The following PCDH17 variants were observed in gnomAD, a reference collection of about 807,000 sequenced individuals.
PCDH17 encodes protocadherin 17, also known as protocadherin-17.
PCDH17 carries 21 observed loss-of-function variants against 67.7 expected under a neutral mutation model. The observed-to-expected ratio is 0.31, with a 90% CI of 0.22 to 0.45. The LOEUF (loss-of-function observed/expected upper bound fraction) is 0.45, where lower values mean the gene tolerates loss of function less well. PCDH17 is among the 20% of genes least tolerant of loss of function. The pLI is 1.00. For missense variants in PCDH17, 1,471 were observed against 1,564.8 expected (o/e 0.94, Z 1.01); for synonymous variants, 701 against 656.7 (o/e 1.07, Z -1.03).
chr13:57,671,499 T>C (rs147186369), intron 3 of PCDH17, among the ~76,000 whole-genome samples: 26 of 152,092 alleles, frequency 1.7e-4, no homozygotes, highest in Admixed American at 1.1e-3. Context: ...TATTCACACT[T>C]TAGCTTCTTT....
In PCDH17 at chr13:57,634,653, G is replaced by A. The variant is rs1466552019; in HGVS notation, c.2107G>A (p.Asp703Asn). ...PRVNGEQHHW[D>N]MSLPLIVTLS... ...GGTGAATGGCGAGCAGCACCACTGG[G>A]ACATGTCGCTGCCGCTCATCGTGAC... The change falls in exon 1 of 4, where the codon GAC becomes AAC. Residue 703 changes from aspartate (D) to asparagine (N), a missense_variant. Physicochemically the swap from Asp to Asn is conservative, Grantham distance 23 (BLOSUM62 1). Coordinates refer to ENST00000377918, the MANE Select transcript of PCDH17 (RefSeq NM_001040429.3). This position sits in a 1 kb window ranked among gnomAD's most constrained non-coding sequence, Gnocchi z 7.8. 6.2e-7 allele frequency: 1 copy of A among 1,613,378 alleles called. No individual in the cohort carries two copies. Among genetic ancestry groups the A allele is most frequent in the Non-Finnish European group, 8.5e-7 (1 of 1,180,008 alleles).
chr13:57,696,106 T>C (rs1955606027), intron 3 of PCDH17, among the ~76,000 whole-genome samples: 1 of 151,404 alleles, frequency 6.6e-6, no homozygotes, highest in African/African-American at 2.4e-5. Context: ...TCTGTACATA[T>C]GATAACGTAA....
intron 3 of PCDH17, among the ~76,000 whole-genome samples, chr13:57,711,248 C>A (rs1955773213): frequency 6.6e-6 from 1 of 151,924 alleles, no homozygotes; most frequent in African/African-American, 2.4e-5. Context: ...TATGTGAATG[C>A]TCACTGGTGC....
intron 3 of PCDH17, among the ~76,000 whole-genome samples, chr13:57,723,705 T>C (rs1440290331): frequency 6.6e-6 from 1 of 152,170 alleles, no homozygotes; most frequent in African/African-American, 2.4e-5. Flanking sequence ...AGTTATGGTT[T>C]AAAATATTGG....
intron 3 of PCDH17, among the ~76,000 whole-genome samples, chr13:57,715,130 T>C (rs1354717264): frequency 6.6e-6 from 1 of 151,826 alleles, no homozygotes; most frequent in East Asian, 1.9e-4. Flanking sequence ...CTTTATATTT[T>C]CTATATAAAC....
At chr13:57,704,443 A>G (rs972338549) in intron 3 of PCDH17, among the ~76,000 whole-genome samples, 3 of 151,954 alleles carry the variant, frequency 2.0e-5, no homozygotes, top group African/African-American at 7.2e-5. Flanking sequence ...CATTTTTTAA[A>G]TCTAATTTTG....
chr13:57,676,505 A>G (rs1054681718), intron 3 of PCDH17, among the ~76,000 whole-genome samples: 1 of 151,922 alleles, frequency 6.6e-6, no homozygotes, highest in African/African-American at 2.4e-5. Context: ...CAGTTTGGCA[A>G]TCAGAGAGGT....
At position 57,637,302 on chromosome 13, in the gene PCDH17, T is replaced by C. The variant is rs184678378; in HGVS notation, c.2565+2191T>C. 4.6e-5 allele frequency among the ~76,000 whole-genome samples: 7 copies of C among 150,652 alleles called. No individual in the cohort carries two copies. In the Admixed American group the frequency reaches 4.9e-4, roughly 10 times the overall value. ...TATCCTCAACATGCATTGTTTAAAC[T>C]TTTTTTTAATTCAGTTTTTGTAATC... On this transcript the variant is annotated intron_variant, in intron 1 of 3. Transcript: ENST00000377918.
chr13:57,650,452 C>T, intron 1 of PCDH17, among the ~76,000 whole-genome samples: 1 of 152,046 alleles, frequency 6.6e-6, no homozygotes, highest in South Asian at 2.1e-4. Flanking sequence ...TACTCCTCTT[C>T]TGTTTGATTT....
At position 57,635,002 on chromosome 13, in the gene PCDH17, C is replaced by T. The variant is rs1954802539; in HGVS notation, c.2456C>T (p.Ala819Val). The T allele has an allele frequency of 1.2e-6, 2 of 1,613,614 alleles. No individual in the cohort carries two copies. The highest frequency in any genetic ancestry group is 2.2e-5 in the East Asian group (1 of 44,868). ...PRSEVMYLKP[A>V]SNNLTVPQGH... ...TCGGAGGTGATGTATCTCAAACCGG[C>T]CTCCAACAACCTGACTGTCCCTCAG... is the stretch of plus-strand genomic sequence containing the variant. The change falls in exon 1 of 4, where the codon GCC becomes GTC. Residue 819 changes from alanine to valine, a missense_variant. By Grantham distance (64) the Ala-to-Val change is moderately conservative. Transcript: ENST00000377918.
intron 3 of PCDH17, among the ~76,000 whole-genome samples, chr13:57,681,835 T>A (rs1290815551): frequency 1.3e-5 from 2 of 151,800 alleles, no homozygotes; most frequent in Non-Finnish European, 2.9e-5. Flanking sequence ...CTTTTTATTT[T>A]TTAAATGTTG....
In PCDH17 at chr13:57,724,655, T is replaced by C. The variant is rs1955897582; in HGVS notation, c.2841T>C (p.Leu947=). Residue 947 remains leucine, a synonymous_variant, in exon 4 of 4, where the codon CTT becomes CTC. Transcript: ENST00000377918. ...ATTGCACAGATGAATGCCGAGTGCTTGGTCATTCTGACAGGTGCTGGATGC... is the reference window on the plus strand; with the variant it reads ...ATTGCACAGATGAATGCCGAGTGCTCGGTCATTCTGACAGGTGCTGGATGC... ...CVNCTDECRV[L]GHSDRCWMPQ... is the part of the protein sequence containing the mutation. 1 of 1,613,934 alleles carries C rather than the reference T, an allele frequency of 6.2e-7. No individual in the cohort carries two copies. Among genetic ancestry groups the C allele is most frequent in the African/African-American group, 1.3e-5 (1 of 74,914 alleles).
At chr13:57,690,988 A>G (rs1288822853) in intron 3 of PCDH17, among the ~76,000 whole-genome samples, 1 of 151,436 alleles carries the variant, frequency 6.6e-6, no homozygotes, top group African/African-American at 2.4e-5. Flanking sequence ...AGACATTTAA[A>G]TTACATGCAT....
chr13:57,668,880 T>C (rs1216501581), intron 3 of PCDH17, among the ~76,000 whole-genome samples: 3 of 152,148 alleles, frequency 2.0e-5, no homozygotes, highest in Non-Finnish European at 4.4e-5. Flanking sequence ...CTAGGGTACA[T>C]GTGCACAACG....
chr13:57,711,592 A>G (rs1361709245), intron 3 of PCDH17, among the ~76,000 whole-genome samples: 1 of 151,838 alleles, frequency 6.6e-6, no homozygotes, highest in Admixed American at 6.6e-5. Flanking sequence ...ACATTTTCTC[A>G]AAGTGTCAAG....
chr13:57,714,670 T>C (rs917298135), intron 3 of PCDH17, among the ~76,000 whole-genome samples: 2 of 151,790 alleles, frequency 1.3e-5, no homozygotes, highest in African/African-American at 4.8e-5. Context: ...TGCCAGAGCA[T>C]AGGTTTCTCA....
In PCDH17 at chr13:57,640,410, T is replaced by C. The variant is rs576030513; in HGVS notation, c.2565+5299T>C. ...ATGTGTATAAATGTATATGTCTTTA[T>C]ATTTTCAATATAGTGTATGTAAGTA... On this transcript the variant is annotated intron_variant, in intron 1 of 3. Transcript: ENST00000377918. Among the ~76,000 whole-genome samples, 58 of 152,186 alleles carry C rather than the reference T, an allele frequency of 3.8e-4. 1 individual carries two copies. The highest frequency in any genetic ancestry group is 1.8e-3 in the Admixed American group (27 of 15,244).
chr13:57,651,036 A>T (rs78093107), intron 1 of PCDH17, among the ~76,000 whole-genome samples: 13,241 of 152,242 alleles, frequency 0.087, 808 homozygotes, highest in Admixed American at 0.14. Flanking sequence ...TCAAAATATC[A>T]TTCTAAAATA....
Position 57,632,321 on chromosome 13 carries a change from C to T in PCDH17, c.-226C>T. ...AAGCCCCTGCAGCTCTGCTGCACCG[C>T]AGCTTCTCACCCAGTGCGGATGCTG... On this transcript the variant is annotated 5_prime_UTR_variant, in exon 1 of 4. Transcript: ENST00000377918. The T allele has an allele frequency of 1.7e-6, 1 of 583,598 alleles. No individual in the cohort carries two copies. Among genetic ancestry groups the T allele is most frequent in the South Asian group, 2.2e-5 (1 of 45,536 alleles). 36.2% of individuals were successfully genotyped at this position (583,598 alleles called of 1,614,324 possible).
Sources: allele counts gnomAD v4.1 joint callset (sites outside exome capture counted in the v4.1 genomes callset), GRCh38; gene constraint gnomAD v4.1.1; non-coding constraint Gnocchi (gnomAD v3.1); transcripts MANE v1.5; gene names NCBI Gene and HGNC (gene_info 2026-07-23, HGNC 2026-07-21).